The following TXNDC11 variants were observed in gnomAD, a reference collection of about 807,000 sequenced individuals.
The protein encoded by TXNDC11 is thioredoxin domain containing 11, also known as thioredoxin domain-containing protein 11.
TXNDC11 carries 68 observed loss-of-function variants against 78.0 expected under a neutral mutation model. The observed-to-expected ratio is 0.87, with a 90% CI of 0.72 to 1.07. TXNDC11 has a LOEUF of 1.07. Among genes scored for constraint, TXNDC11 ranks in the 50% least tolerant of loss-of-function variants. TXNDC11 has a pLI of 0.00. For missense variants in TXNDC11, 1,389 were observed against 1,221.8 expected (o/e 1.14, Z -2.04); for synonymous variants, 571 against 495.2 (o/e 1.15, Z -2.03).
Position 11,679,932 on chromosome 16 carries a change from A to G in TXNDC11, c.2235-95T>C. On this transcript the variant is annotated intron_variant, in intron 11 of 11. Coordinates refer to ENST00000283033, the MANE Select transcript of TXNDC11 (RefSeq NM_015914.7). The surrounding 1 kb of genome is among the most constrained non-coding windows in gnomAD (Gnocchi z 4.6). ...CCTGAGGCCAGGCCATCTACTTCTC[A>G]CCAAGAAAAGACGTTCCGTGGATTT... The G allele has an allele frequency of 9.1e-7, 1 of 1,103,500 alleles. No homozygotes were observed. Among genetic ancestry groups the G allele is most frequent in the East Asian group, 2.4e-5 (1 of 41,944 alleles). 68.4% of individuals were successfully genotyped at this position (1,103,500 alleles called of 1,614,324 possible).
Position 11,691,502 on chromosome 16 carries a change from T to A in TXNDC11, c.1688A>T (p.Asp563Val). Residue 563 changes from aspartate to valine, a missense_variant, in exon 8 of 12, where the codon GAC becomes GTC. Coordinates refer to ENST00000283033, the MANE Select transcript of TXNDC11 (RefSeq NM_015914.7). ...GCCTGTGAAGTTTGTGCTAGTCATG[T>A]CCACTTCTGGAAAGAGATACCTGTT... ...EENRYLFPEV[D>V]MTSTNFTGLS... The A allele has an allele frequency of 6.2e-7, 1 of 1,614,216 alleles. No homozygotes were observed.
At chr16:11,706,916 A>G (rs769169820) in intron 5 of TXNDC11, among the ~76,000 whole-genome samples, 4 of 152,094 alleles carry the variant, frequency 2.6e-5, no homozygotes, top group Non-Finnish European at 4.4e-5. Flanking sequence ...TTTTTTAACG[A>G]AACACAGATC....
At chr16:11,739,595 C>G (rs1179579284) in intron 1 of TXNDC11, among the ~76,000 whole-genome samples, 1 of 152,124 alleles carries the variant, frequency 6.6e-6, no homozygotes, top group Non-Finnish European at 1.5e-5. Flanking sequence ...CTTGCAAAGA[C>G]CATTCGAGGC....
intron 10 of TXNDC11, among the ~76,000 whole-genome samples, chr16:11,685,040 T>A (rs992778206): frequency 2.0e-5 from 3 of 152,230 alleles, no homozygotes; most frequent in African/African-American, 7.2e-5. Context: ...CATGTATGTG[T>A]CCAAAAGGAT....
chr16:11,695,802 G>T (rs1309413798), intron 7 of TXNDC11, among the ~76,000 whole-genome samples: 4 of 152,126 alleles, frequency 2.6e-5, no homozygotes, highest in Non-Finnish European at 5.9e-5. Context: ...GGAGGCCAAG[G>T]AAGACCGATC....
At chr16:11,706,987 G>A (rs897442526) in intron 5 of TXNDC11, among the ~76,000 whole-genome samples, 2 of 152,102 alleles carry the variant, frequency 1.3e-5, no homozygotes, top group African/African-American at 4.8e-5. Flanking sequence ...TTTCATACAG[G>A]CAGGCTCTGA....
intron 4 of TXNDC11, among the ~76,000 whole-genome samples, chr16:11,730,024 G>C (rs375828653): frequency 1.2e-3 from 176 of 152,282 alleles, no homozygotes; most frequent in African/African-American, 4.1e-3. Flanking sequence ...AACCCAGGAA[G>C]TGGAGTTTGC....
At position 11,742,673 on chromosome 16, in the gene TXNDC11, C is replaced by T. The variant is rs748231873; in HGVS notation, c.58G>A (p.Glu20Lys). 1 of 1,466,590 alleles carries T rather than the reference C, an allele frequency of 6.8e-7. No individual in the cohort carries two copies. The highest frequency in any genetic ancestry group is 1.3e-5 in the South Asian group (1 of 76,162). 90.8% of individuals were successfully genotyped at this position (1,466,590 alleles called of 1,614,324 possible). The change falls in exon 1 of 12, where the codon GAG becomes AAG. Residue 20 changes from glutamate (E) to lysine (K), a missense_variant. Transcript: ENST00000283033. Reference protein sequence around the residue: ...GSSSSEDAEDEGGGGGGPAGS... With the variant: ...GSSSSEDAEDKGGGGGGPAGS... Reference sequence around the variant, plus strand: ...GCGGGGCCGCCGCCGCCCCCTCCCTCGTCCTCGGCGTCCTCGCTGCTGCTG... The same window carrying T: ...GCGGGGCCGCCGCCGCCCCCTCCCTTGTCCTCGGCGTCCTCGCTGCTGCTG...
At chr16:11,741,903 C>T (rs1040763122) in intron 1 of TXNDC11, 1 of 152,248 alleles carries the variant, frequency 6.6e-6, no homozygotes, top group African/African-American at 2.4e-5. Flanking sequence ...CGTGGTGGCG[C>T]GCGCCTGTAA....
chr16:11,734,116 TAAC>T (rs1567350882), intron 2 of TXNDC11, 37 bp from the exon 3 acceptor site: 2 of 1,331,184 alleles, frequency 1.5e-6, no homozygotes, highest in South Asian at 2.6e-5. Flanking sequence ...TGACTATGAA[TAAC>T]AACTGAAAAG....
chr16:11,694,444 C>T lies in TXNDC11; in HGVS notation c.1108-2362G>A, dbSNP rs540391703. On this transcript the variant is annotated intron_variant, in intron 7 of 11. Coordinates refer to ENST00000283033, the MANE Select transcript of TXNDC11 (RefSeq NM_015914.7). The stretch of plus-strand genomic sequence containing the variant: ...GATTGTAAGCATGAGCCACCGCGCC[C>T]GACCAGCAATGCTTTTTTTTGAGAC... Among the ~76,000 whole-genome samples the T allele has an allele frequency of 4.6e-4, 70 of 151,842 alleles. 1 individual carries two copies. Among genetic ancestry groups the T allele is most frequent in the African/African-American group, 1.6e-3 (65 of 41,416 alleles).
intron 11 of TXNDC11, among the ~76,000 whole-genome samples, 192 bp downstream of exon 11, chr16:11,683,973 C>T (rs531100387): frequency 1.8e-3 from 274 of 152,146 alleles, no homozygotes; most frequent in Non-Finnish European, 3.3e-3. Context: ...CTGGTCTCAA[C>T]CTCTTGAGCT....
At chr16:11,707,777 A>G (rs2051226077) in intron 5 of TXNDC11, among the ~76,000 whole-genome samples, 1 of 151,914 alleles carries the variant, frequency 6.6e-6, no homozygotes. Context: ...TTTTTAGTGT[A>G]GCTACTAGAA....
rs999610009 is a variant in TXNDC11 at position 11,742,540 on chromosome 16, T to G, written c.191A>C (p.Glu64Ala). ...GAGCGCCACGGCCCCGCAGAGCAGC[T>G]CCGGCCGCTGGCGCGCCATGAGGAA... ...GAFLMARQRPELLCGAVALGC... is the reference protein window; with the variant it reads ...GAFLMARQRPALLCGAVALGC... Residue 64 changes from glutamate to alanine, a missense_variant, in exon 1 of 12, where the codon GAG (glutamate) becomes GCG (alanine). Physicochemically the swap from Glu to Ala is moderately radical, Grantham distance 107 (BLOSUM62 -1). Transcript: ENST00000283033. 177 of 1,460,774 alleles carry G rather than the reference T, an allele frequency of 1.2e-4. 1 individual carries two copies. The African/African-American group carries it at 2.3e-3, about 19-fold the overall frequency. 90.5% of individuals were successfully genotyped at this position (1,460,774 alleles called of 1,614,324 possible). A position where few individuals can be genotyped will look rare whatever the true frequency, so the allele number is the denominator to read the frequency against.
rs60926291 is a variant in TXNDC11 at position 11,709,259 on chromosome 16, C to CTTTTTTTTTTT, written c.794-8696_794-8695insAAAAAAAAAAA. On this transcript the variant is annotated intron_variant, in intron 5 of 11. Coordinates refer to ENST00000283033, the MANE Select transcript of TXNDC11 (RefSeq NM_015914.7). Reference sequence around the variant, plus strand: ...AACATGTAACTTATAAGCTGTGATTCTTTTTTTTTTGAGACAGAGTCTCGC... The same window carrying CTTTTTTTTTTT: ...AACATGTAACTTATAAGCTGTGATTCTTTTTTTTTTTTTTTTTTTTTGAGACAGAGTCTCGC... 3.4e-4 allele frequency among the ~76,000 whole-genome samples: 49 copies of CTTTTTTTTTTT among 142,272 alleles called. 1 individual carries two copies. The highest frequency in any genetic ancestry group is 5.2e-4 in the Non-Finnish European group (34 of 65,374). The allele number at this position is 142,272 out of a possible 152,430, so 93.3% of individuals were successfully genotyped here.
chr16:11,679,149 C>G lies in TXNDC11; in HGVS notation c.*46G>C. The stretch of plus-strand genomic sequence containing the variant: ...CAATAAAATTTGCATAAATATATTC[C>G]CAATGTACAATTTTCACCTCTGATT... On this transcript the variant is annotated 3_prime_UTR_variant, in exon 12 of 12. Coordinates refer to ENST00000283033, the MANE Select transcript of TXNDC11 (RefSeq NM_015914.7). The surrounding 1 kb of genome is among the most constrained non-coding windows in gnomAD (Gnocchi z 4.6). 1 of 1,574,348 alleles carries G rather than the reference C, an allele frequency of 6.4e-7. No homozygotes were observed.
At chr16:11,702,090 G>A (rs972117681) in intron 5 of TXNDC11, among the ~76,000 whole-genome samples, 22 of 132,728 alleles carry the variant, frequency 1.7e-4, no homozygotes, top group African/African-American at 6.8e-4. Flanking sequence ...ATGTATGTAT[G>A]TGTATATATA....
intron 7 of TXNDC11, among the ~76,000 whole-genome samples, 177 bp downstream of exon 7, chr16:11,697,948 T>C (rs2050902789): frequency 6.6e-6 from 1 of 152,202 alleles, no homozygotes; most frequent in African/African-American, 2.4e-5. Context: ...GTCCCTGTCC[T>C]AGACACGGGC....
In TXNDC11 at chr16:11,733,918, C is replaced by A. The variant is rs886483974; in HGVS notation, c.569+64G>T. 4.8e-6 allele frequency: 6 copies of A among 1,241,288 alleles called. No homozygotes were observed. In the African/African-American group the frequency reaches 9.1e-5, roughly 19 times the overall value. The allele number at this position is 1,241,288 out of a possible 1,614,324, so 76.9% of individuals were successfully genotyped here. On this transcript the variant is annotated intron_variant, in intron 3 of 11. Coordinates refer to ENST00000283033, the MANE Select transcript of TXNDC11 (RefSeq NM_015914.7). ...CTAATACTTTAATATAGAAAAAATG[C>A]AAAATTCATTTATAAACTGGCAAAC...
Sources: gnomAD v4.1 joint callset for allele counts (sites outside exome capture counted in the v4.1 genomes callset) on GRCh38, gnomAD v4.1.1 for gene constraint, Gnocchi (gnomAD v3.1) non-coding constraint, MANE v1.5 for transcripts, NCBI Gene and HGNC (gene_info 2026-07-23, HGNC 2026-07-21) for gene names.